ANKRD36: variants seen among roughly 807,000 people sequenced by gnomAD.
ANKRD36 encodes ankyrin repeat domain-containing protein 36A.
In ANKRD36, 179 loss-of-function variants were observed where a neutral mutation model predicts 278.1. The observed-to-expected ratio is 0.64, with a 90% CI of 0.57 to 0.73. The LOEUF (loss-of-function observed/expected upper bound fraction) is 0.73. ANKRD36 is among the 30% of genes least tolerant of loss of function. The pLI, the probability that ANKRD36 is intolerant of heterozygous loss-of-function variation, is 0.00. For synonymous variants in ANKRD36, 320 were observed against 641.1 expected (o/e 0.50, Z 7.57); for missense variants, 1,159 against 1,956.7 (o/e 0.59, Z 7.69).
At chr2:97,153,945 C>T (rs1043087624) in intron 14 of ANKRD36, among the ~76,000 whole-genome samples, 1 of 147,612 alleles carries the variant, frequency 6.8e-6, no homozygotes, top group Non-Finnish European at 1.5e-5. Context: ...TATGAAGGTT[C>T]TTAAGCTTGC....
intron 69 of ANKRD36, among the ~76,000 whole-genome samples, chr2:97,242,565 A>G (rs1176704428): frequency 6.9e-6 from 1 of 144,348 alleles, no homozygotes; most frequent in Non-Finnish European, 1.5e-5. Context: ...GAAAAAGTGT[A>G]GGGTAACATA....
chr2:97,225,621 T>TAA (rs1254189964), intron 67 of ANKRD36, among the ~76,000 whole-genome samples: 1 of 152,110 alleles, frequency 6.6e-6, no homozygotes, highest in Non-Finnish European at 1.5e-5. Context: ...TTGCTTTTCT[T>TAA]TTTTTATTTT....
At chr2:97,222,257 T>C (rs1305671146) in intron 66 of ANKRD36, among the ~76,000 whole-genome samples, 2 of 152,116 alleles carry the variant, frequency 1.3e-5, no homozygotes, top group Admixed American at 6.5e-5. Flanking sequence ...GACTTGGCGA[T>C]GCGGGCTCTT....
chr2:97,204,116 T>A lies in ANKRD36; in HGVS notation c.2988+20T>A. The A allele has an allele frequency of 2.5e-6, 4 of 1,574,366 alleles. No homozygotes were observed. The highest frequency in any genetic ancestry group is 2.6e-6 in the Non-Finnish European group (3 of 1,162,402). ...TTGAAGGTAATGAAACTGTCGTTTA[T>A]ATTGTGAACTAGTAAATGTATAGTC... On this transcript the variant is annotated intron_variant, in intron 49 of 75. Coordinates refer to ENST00000420699, the MANE Select transcript of ANKRD36 (RefSeq NM_001354587.1).
At chr2:97,215,759 G>A (rs1263009170) in intron 62 of ANKRD36, 40 of 868,236 alleles carry the variant, frequency 4.6e-5, no homozygotes, top group Non-Finnish European at 6.8e-5. Context: ...CAGCCTCAGG[G>A]GACAGCATCA....
In ANKRD36 at chr2:97,154,715, A is replaced by C. The variant is rs1354415946; in HGVS notation, c.1234A>C (p.Lys412Gln). The change falls in exon 15 of 76, where the codon AAG becomes CAG. Residue 412 changes from lysine (K) to glutamine (Q), a missense_variant. Lys to Gln is a moderately conservative substitution (Grantham distance 53). Coordinates refer to ENST00000420699, the MANE Select transcript of ANKRD36 (RefSeq NM_001354587.1). ...GGACCGTTTTGCACAGCCTGTGACA[A>C]AGGATAAGTTTGCTTTGGAATCTGA... ...LLDRFAQPVT[K>Q]DKFALESENI... 2 of 1,488,700 alleles carry C rather than the reference A, an allele frequency of 1.3e-6. No homozygotes were observed. Among genetic ancestry groups the C allele is most frequent in the Admixed American group, 2.0e-5 (1 of 50,098 alleles). The allele number at this position is 1,488,700 out of a possible 1,614,324, so 92.2% of individuals were successfully genotyped here.
chr2:97,143,535 A>G (rs1259836229), intron 8 of ANKRD36, among the ~76,000 whole-genome samples: 21 of 152,230 alleles, frequency 1.4e-4, no homozygotes, highest in Admixed American at 1.2e-3. Flanking sequence ...TGTTGGTATT[A>G]GCTATTCAAA....
At chr2:97,221,387 CCCA>C (rs2067622705) in intron 66 of ANKRD36, among the ~76,000 whole-genome samples, 1 of 92,192 alleles carries the variant, frequency 1.1e-5, no homozygotes, top group South Asian at 5.8e-4. Context: ...AGTTTACAGT[CCCA>C]CCAACAGTGT....
chr2:97,143,307 G>A (rs2043388230), intron 8 of ANKRD36, among the ~76,000 whole-genome samples: 1 of 151,928 alleles, frequency 6.6e-6, no homozygotes. Flanking sequence ...GAGGCAAGAA[G>A]GAGGGAAAAG....
At chr2:97,175,482 A>AT (rs1411687553) in intron 22 of ANKRD36, among the ~76,000 whole-genome samples, 8 of 151,676 alleles carry the variant, frequency 5.3e-5, no homozygotes, top group Admixed American at 2.0e-4. Flanking sequence ...CCCCTTTATC[A>AT]TTTTTTATTG....
At chr2:97,260,419 C>T (rs1490317051) in intron 75 of ANKRD36, among the ~76,000 whole-genome samples, 7 of 128,430 alleles carry the variant, frequency 5.5e-5, no homozygotes, top group African/African-American at 1.9e-4. Context: ...CATATACACA[C>T]ACACAAACAC....
chr2:97,260,421 C>G (rs1290242382), intron 75 of ANKRD36, among the ~76,000 whole-genome samples: 4 of 128,306 alleles, frequency 3.1e-5, no homozygotes, highest in African/African-American at 1.3e-4. Flanking sequence ...TATACACACA[C>G]ACAAACACAC....
At position 97,227,287 on chromosome 2, in the gene ANKRD36, CCT is replaced by C. The variant is rs2070137268; in HGVS notation, c.3951+2411_3951+2412del. ...GGAATGTTCTTCCATTTGTTTGTATCCTCTTTTATTTCCTTGAGCAGTGATTT... is the reference window on the plus strand; with the variant it reads ...GGAATGTTCTTCCATTTGTTTGTATCCTTTTATTTCCTTGAGCAGTGATTT... On this transcript the variant is annotated intron_variant, in intron 67 of 75. Transcript: ENST00000420699. 5.9e-5 allele frequency among the ~76,000 whole-genome samples: 9 copies of C among 152,238 alleles called. No individual in the cohort carries two copies. The South Asian group carries it at 1.9e-3, about 32-fold the overall frequency.
chr2:97,222,250 T>A (rs4645037), intron 66 of ANKRD36, among the ~76,000 whole-genome samples: 2 of 151,620 alleles, frequency 1.3e-5, no homozygotes, highest in East Asian at 2.0e-4. Flanking sequence ...TAGGATTGAC[T>A]TGGCGATGCG....
Position 97,113,556 on chromosome 2 carries a change from A to G in ANKRD36, c.-184A>G, listed in dbSNP as rs1382707538. 3 of 674,654 alleles carry G rather than the reference A, an allele frequency of 4.4e-6. No individual in the cohort carries two copies. The highest frequency in any genetic ancestry group is 1.8e-5 in the African/African-American group (1 of 55,074). The allele number at this position is 674,654 out of a possible 1,614,324, so 41.8% of individuals were successfully genotyped here. A position where few individuals can be genotyped will look rare whatever the true frequency, so the allele number is the denominator to read the frequency against. ...TCGGGCCTGTTGGGCAGGGCCGGCTAAGGTGCGCGTGCTCGCTGGTTCTAA... is the reference window on the plus strand; with the variant it reads ...TCGGGCCTGTTGGGCAGGGCCGGCTGAGGTGCGCGTGCTCGCTGGTTCTAA... On this transcript the variant is annotated 5_prime_UTR_variant, in exon 1 of 76. Coordinates refer to ENST00000420699, the MANE Select transcript of ANKRD36 (RefSeq NM_001354587.1).
chr2:97,217,039 C>G (rs1269756839), intron 62 of ANKRD36, 138 bp from the exon 63 acceptor site: 4 of 1,491,578 alleles, frequency 2.7e-6, no homozygotes, highest in Non-Finnish European at 3.6e-6. Flanking sequence ...GTTCCAATCC[C>G]CAGACACAAA....
chr2:97,116,190 A>G (rs1047360038), intron 1 of ANKRD36, among the ~76,000 whole-genome samples: 3 of 152,148 alleles, frequency 2.0e-5, no homozygotes, highest in African/African-American at 7.2e-5. Context: ...TTATTAATGA[A>G]ATTATCCTTG....
At chr2:97,204,831 A>C (rs369442434) in intron 50 of ANKRD36, among the ~76,000 whole-genome samples, 4 of 151,518 alleles carry the variant, frequency 2.6e-5, no homozygotes, top group African/African-American at 4.8e-5. Flanking sequence ...TTTTCATAAA[A>C]AATATTTGAT....
intron 1 of ANKRD36, among the ~76,000 whole-genome samples, chr2:97,116,831 G>GT (rs958310962): frequency 2.4e-4 from 36 of 152,000 alleles, no homozygotes; most frequent in African/African-American, 8.7e-4. Context: ...TTAATTTATA[G>GT]TTTTTTTCAT....
Sources: gnomAD v4.1 joint callset for allele counts (sites outside exome capture counted in the v4.1 genomes callset) on GRCh38, gnomAD v4.1.1 for gene constraint, MANE v1.5 for transcripts, NCBI Gene and HGNC (gene_info 2026-07-23, HGNC 2026-07-21) for gene names.